The following FCHSD2 variants were observed in gnomAD, a reference collection of about 807,000 sequenced individuals.
FCHSD2 encodes FCH and double SH3 domains 2.
A neutral mutation model predicts 108.1 loss-of-function variants in FCHSD2; 38 were observed. The ratio of observed to expected loss-of-function variants is 0.35; its 90% CI spans 0.27 to 0.46. FCHSD2 has a LOEUF of 0.46. Ranked by LOEUF, FCHSD2 falls within the 20% of genes least tolerant of loss-of-function variation. FCHSD2 has a pLI of 1.00. For synonymous variants in FCHSD2, 279 were observed against 314.7 expected (o/e 0.89, Z 1.20); for missense variants, 751 against 897.8 (o/e 0.84, Z 2.09).
intron 10 of FCHSD2, among the ~76,000 whole-genome samples, chr11:72,902,180 T>A (rs1855540762): frequency 6.6e-6 from 1 of 152,212 alleles, no homozygotes. Flanking sequence ...CGGCCTACTC[T>A]GGTTAAAATT....
intron 10 of FCHSD2, among the ~76,000 whole-genome samples, chr11:72,893,120 T>G (rs1227732199): frequency 2.6e-5 from 4 of 151,958 alleles, no homozygotes; most frequent in Non-Finnish European, 5.9e-5. Flanking sequence ...TTCCTCAGCC[T>G]CCGGAGTAAC....
chr11:73,034,810 C>G (rs749162724), intron 3 of FCHSD2, among the ~76,000 whole-genome samples: 10 of 152,070 alleles, frequency 6.6e-5, no homozygotes, highest in Non-Finnish European at 1.3e-4. Context: ...AACTTCGAAG[C>G]AGCAAAAGAA....
intron 13 of FCHSD2, among the ~76,000 whole-genome samples, chr11:72,865,945 A>T (rs1289135856): frequency 6.6e-6 from 1 of 152,148 alleles, no homozygotes; most frequent in Non-Finnish European, 1.5e-5. Flanking sequence ...TTCTATGAGG[A>T]GGGAGACCAA....
chr11:72,845,437 C>CAAAAAAAAA (rs755929012), intron 14 of FCHSD2, among the ~76,000 whole-genome samples: 3 of 81,918 alleles, frequency 3.7e-5, no homozygotes, highest in Non-Finnish European at 6.8e-5. Flanking sequence ...GACCCTGTCT[C>CAAAAAAAAA]AAAAAAAAAA....
intron 2 of FCHSD2, among the ~76,000 whole-genome samples, chr11:73,090,446 C>T (rs1374427821): frequency 6.6e-6 from 1 of 151,968 alleles, no homozygotes; most frequent in Non-Finnish European, 1.5e-5. Flanking sequence ...GGGATGGTCT[C>T]GATCTGCTGA....
chr11:72,874,811 A>T (rs1854933488), intron 12 of FCHSD2, among the ~76,000 whole-genome samples: 1 of 152,216 alleles, frequency 6.6e-6, no homozygotes, highest in East Asian at 1.9e-4. Context: ...CTAAAAGCAG[A>T]ACTTTCTAGT....
At chr11:73,044,807 A>C (rs1051231244) in intron 3 of FCHSD2, among the ~76,000 whole-genome samples, 1 of 152,208 alleles carries the variant, frequency 6.6e-6, no homozygotes, top group Non-Finnish European at 1.5e-5. Flanking sequence ...ACAGTGGCTC[A>C]CGCCTGTAAT....
At chr11:73,038,347 GAA>G (rs112268354) in intron 3 of FCHSD2, among the ~76,000 whole-genome samples, 4 of 99,312 alleles carry the variant, frequency 4.0e-5, no homozygotes, top group Non-Finnish European at 4.3e-5. Flanking sequence ...GTCTCTTTAA[GAA>G]AAAAAAAAAA....
At chr11:73,004,094 G>T (rs1163753039) in intron 4 of FCHSD2, among the ~76,000 whole-genome samples, 1 of 101,116 alleles carries the variant, frequency 9.9e-6, no homozygotes, top group Non-Finnish European at 1.8e-5. Context: ...GGGCAAGAGA[G>T]TAAGACTCCA....
intron 2 of FCHSD2, among the ~76,000 whole-genome samples, chr11:73,130,010 AG>A (rs1860957360): frequency 1.3e-5 from 2 of 150,466 alleles, no homozygotes; most frequent in South Asian, 4.2e-4. Context: ...CCCACCGAGT[AG>A]CTGGGACTCC....
intron 3 of FCHSD2, among the ~76,000 whole-genome samples, chr11:73,082,941 T>G (rs538773321): frequency 6.6e-6 from 1 of 152,274 alleles, no homozygotes; most frequent in African/African-American, 2.4e-5. Flanking sequence ...TGGACTCCAC[T>G]AAAGGTCTAA....
At chr11:72,879,821 G>T (rs895144718) in intron 12 of FCHSD2, among the ~76,000 whole-genome samples, 1 of 151,702 alleles carries the variant, frequency 6.6e-6, no homozygotes, top group Non-Finnish European at 1.5e-5. Context: ...AATCATAGAA[G>T]AGGACAGAAA....
Position 72,960,127 on chromosome 11 carries a change from T to G in FCHSD2, c.705+23961A>C, listed in dbSNP as rs149064144. Among the ~76,000 whole-genome samples the G allele has an allele frequency of 5.2e-4, 79 of 152,302 alleles. 2 individuals are homozygous for G. The highest frequency in any genetic ancestry group is 1.9e-3 in the African/African-American group (77 of 41,554). ...GTACAAAAAGCACAGTGCCAGGATC[T>G]ATTTCTGGTGAGGCTTCTGGAAGCT... On this transcript the variant is annotated intron_variant, in intron 8 of 19. Transcript: ENST00000409418.
chr11:72,886,642 TAA>T (rs1855204789), intron 12 of FCHSD2, among the ~76,000 whole-genome samples: 1 of 152,222 alleles, frequency 6.6e-6, no homozygotes, highest in Non-Finnish European at 1.5e-5. Context: ...GCTGAGTAGA[TAA>T]AAGTGTGTGC....
At chr11:73,076,418 G>A (rs569075316) in intron 3 of FCHSD2, among the ~76,000 whole-genome samples, 1 of 152,262 alleles carries the variant, frequency 6.6e-6, no homozygotes, top group East Asian at 1.9e-4. Flanking sequence ...AAAAATATCT[G>A]CTAAGCGAAA....
chr11:73,097,615 C>CTTTT (rs200159157), intron 2 of FCHSD2, among the ~76,000 whole-genome samples: 1 of 95,310 alleles, frequency 1.0e-5, no homozygotes, highest in Non-Finnish European at 2.3e-5. Flanking sequence ...GTGAGGTGTT[C>CTTTT]TTTTTTTTTT....
At chr11:73,139,651 C>A (rs1591587337) in intron 2 of FCHSD2, among the ~76,000 whole-genome samples, 3 of 151,596 alleles carry the variant, frequency 2.0e-5, no homozygotes, top group Non-Finnish European at 1.5e-5. Context: ...GACTGGCTCA[C>A]CCCCAGATAT....
At chr11:72,876,757 G>C (rs192581474) in intron 12 of FCHSD2, among the ~76,000 whole-genome samples, 91 of 152,174 alleles carry the variant, frequency 6.0e-4, no homozygotes, top group Admixed American at 5.4e-3. Context: ...TACTGAAAGA[G>C]GGATCCTAAA....
At chr11:72,979,005 A>C (rs1277570896) in intron 8 of FCHSD2, among the ~76,000 whole-genome samples, 1 of 151,896 alleles carries the variant, frequency 6.6e-6, no homozygotes, top group Non-Finnish European at 1.5e-5. Context: ...CTACAAGTGC[A>C]TGCCTCCACA....
Sources: gnomAD v4.1 joint callset for allele counts (sites outside exome capture counted in the v4.1 genomes callset) on GRCh38, gnomAD v4.1.1 for gene constraint, MANE v1.5 for transcripts, NCBI Gene and HGNC (gene_info 2026-07-23, HGNC 2026-07-21) for gene names.